The following FUT8 variants were observed in gnomAD, a reference collection of about 807,000 sequenced individuals.
FUT8 encodes the protein alpha-(1,6)-fucosyltransferase.
FUT8 carries 29 observed loss-of-function variants against 71.3 expected under a neutral mutation model. The ratio of observed to expected loss-of-function variants is 0.41; its 90% confidence interval spans 0.30 to 0.55. The LOEUF (loss-of-function observed/expected upper bound fraction) is 0.55, where lower values mean the gene tolerates loss of function less well. Ranked by LOEUF, FUT8 falls within the 20% of genes least tolerant of loss-of-function variation. FUT8 has a pLI of 0.34. For synonymous variants in FUT8, 254 were observed against 239.3 expected (o/e 1.06, Z -0.57); for missense variants, 544 against 702.1 (o/e 0.77, Z 2.55).
intron 7 of FUT8, among the ~76,000 whole-genome samples, chr14:65,701,487 A>G (rs1031196454): frequency 6.6e-6 from 1 of 152,234 alleles, no homozygotes; most frequent in African/African-American, 2.4e-5. Context: ...TTATTAGAAA[A>G]TACGACTGTC....
At chr14:65,408,306 C>G (rs1189264403), upstream of FUT8, among the ~76,000 whole-genome samples, 1 of 152,126 alleles carries the variant, frequency 6.6e-6, no homozygotes, top group Non-Finnish European at 1.5e-5. Context: ...ACTGTTCTAC[C>G]TGGAATTGAC....
At chr14:65,429,410 G>T (rs191101985) in intron 1 of FUT8, among the ~76,000 whole-genome samples, 2 of 152,158 alleles carry the variant, frequency 1.3e-5, no homozygotes, top group Non-Finnish European at 2.9e-5. Flanking sequence ...TTACAGCGGC[G>T]TAAGAAAATT....
rs182824213 is a variant in FUT8, at chr14:65,612,057, A to G, written c.204-3921A>G. ...TAACTGTTATTTCTATGGTGATTCT[A>G]ACATCTGTGTCAGTTTTGAGTTGGT... On this transcript the variant is annotated intron_variant, in intron 3 of 10. Transcript: ENST00000673929. Among the ~76,000 whole-genome samples the G allele has an allele frequency of 1.9e-3, 291 of 152,330 alleles. 1 individual carries two copies. Among genetic ancestry groups the G allele is most frequent in the Non-Finnish European group, 3.0e-3 (201 of 68,028 alleles).
chr14:65,525,361 ATAG>A (rs1457389901), intron 2 of FUT8, among the ~76,000 whole-genome samples: 30 of 152,136 alleles, frequency 2.0e-4, no homozygotes, highest in Admixed American at 1.2e-3. Context: ...AGAGGTGTTT[ATAG>A]TATTCTCTGA....
intron 3 of FUT8, among the ~76,000 whole-genome samples, chr14:65,582,200 T>C (rs1314458973): frequency 1.3e-5 from 2 of 152,318 alleles, no homozygotes; most frequent in Non-Finnish European, 1.5e-5. Flanking sequence ...GAATATCCAG[T>C]TATGGTTGTA....
At chr14:65,581,300 C>T (rs1887075629) in intron 3 of FUT8, among the ~76,000 whole-genome samples, 2 of 151,862 alleles carry the variant, frequency 1.3e-5, no homozygotes, top group East Asian at 3.9e-4. Context: ...TTTAAATTAC[C>T]GACAGAGAAA....
intron 3 of FUT8, among the ~76,000 whole-genome samples, chr14:65,589,093 A>G (rs1887544985): frequency 6.6e-6 from 1 of 152,036 alleles, no homozygotes. Flanking sequence ...TCAGTGTTAC[A>G]CAAAAGACAG....
the FUT8 span, among the ~76,000 whole-genome samples, chr14:65,389,036 C>G: frequency 0.13 from 20,213 of 150,778 alleles, 2,025 homozygotes; most frequent in East Asian, 0.54. Flanking sequence ...GGGGCTTACT[C>G]TGTCACCCAG....
chr14:65,635,315 G>A (rs956159352), intron 6 of FUT8, among the ~76,000 whole-genome samples: 3 of 152,108 alleles, frequency 2.0e-5, no homozygotes, highest in Non-Finnish European at 4.4e-5. Context: ...CCTCTTTACC[G>A]ATTTGGATGC....
At chr14:65,636,070 G>C (rs1211509040) in intron 6 of FUT8, among the ~76,000 whole-genome samples, 1 of 151,996 alleles carries the variant, frequency 6.6e-6, no homozygotes, top group Non-Finnish European at 1.5e-5. Flanking sequence ...AAGCTAGGAG[G>C]GTTGTATTTT....
At chr14:65,722,949 G>T (rs1408254108) in intron 8 of FUT8, among the ~76,000 whole-genome samples, 3 of 152,036 alleles carry the variant, frequency 2.0e-5, no homozygotes, top group African/African-American at 7.2e-5. Flanking sequence ...GTAATTTGGG[G>T]GGAGGGGAAG....
intron 1 of FUT8, among the ~76,000 whole-genome samples, chr14:65,441,659 A>C (rs28697160): frequency 1.7e-4 from 26 of 150,986 alleles, no homozygotes; most frequent in African/African-American, 6.3e-4. Flanking sequence ...AGGCTGAAGC[A>C]TAAGAATTGC....
intron 1 of FUT8, among the ~76,000 whole-genome samples, chr14:65,438,224 A>C (rs1870153648): frequency 6.6e-6 from 1 of 152,158 alleles, no homozygotes; most frequent in East Asian, 1.9e-4. Context: ...TGTTACCTTC[A>C]TCTGCCTTTC....
At chr14:65,708,664 T>C (rs533518084) in intron 7 of FUT8, among the ~76,000 whole-genome samples, 19 of 152,330 alleles carry the variant, frequency 1.2e-4, no homozygotes, top group African/African-American at 4.3e-4. Flanking sequence ...GGAAACACTA[T>C]TGATTTTTGT....
At chr14:65,573,922 C>T (rs1323135475) in intron 3 of FUT8, among the ~76,000 whole-genome samples, 1 of 152,140 alleles carries the variant, frequency 6.6e-6, no homozygotes, top group East Asian at 1.9e-4. Context: ...TGTAAAACAA[C>T]ACAAACTTAC....
intron 2 of FUT8, among the ~76,000 whole-genome samples, chr14:65,509,911 C>T (rs985878328): frequency 4.6e-5 from 7 of 151,970 alleles, no homozygotes; most frequent in Non-Finnish European, 1.0e-4. Context: ...CTTTACAATT[C>T]GGATGCCCTT....
intron 3 of FUT8, among the ~76,000 whole-genome samples, chr14:65,577,579 A>G (rs1183424292): frequency 6.6e-6 from 1 of 152,190 alleles, no homozygotes. Context: ...TCCAAAATGC[A>G]TGATTTTACA....
intron 2 of FUT8, among the ~76,000 whole-genome samples, chr14:65,473,424 A>G (rs1343554824): frequency 6.6e-6 from 1 of 152,148 alleles, no homozygotes; most frequent in East Asian, 1.9e-4. Context: ...TGGATCTTGA[A>G]AAACGGGATT....
At chr14:65,371,921 T>TATAC in the FUT8 span, among the ~76,000 whole-genome samples, 2 of 152,150 alleles carry the variant, frequency 1.3e-5, no homozygotes, top group Non-Finnish European at 2.9e-5. Context: ...TATATATATA[T>TATAC]ACAAACACAT....
Sources: allele counts gnomAD v4.1 joint callset (sites outside exome capture counted in the v4.1 genomes callset), GRCh38; gene constraint gnomAD v4.1.1; transcripts MANE v1.5; gene names NCBI Gene and HGNC (gene_info 2026-07-23, HGNC 2026-07-21).